The following ALKBH1 variants were observed in gnomAD, a reference collection of about 807,000 sequenced individuals.
ALKBH1 encodes the protein nucleic acid dioxygenase ALKBH1.
A neutral mutation model predicts 36.6 loss-of-function variants in ALKBH1; 31 were observed. That is an observed-to-expected ratio of 0.85 (90% CI 0.64 to 1.14). The LOEUF (loss-of-function observed/expected upper bound fraction) is 1.14, where lower values mean the gene tolerates loss of function less well. ALKBH1 is among the 50% of genes most tolerant of loss of function. The pLI, the probability that ALKBH1 is intolerant of heterozygous loss-of-function variation, is 0.00. For synonymous variants in ALKBH1, 183 were observed against 186.6 expected (o/e 0.98, Z 0.16); for missense variants, 490 against 497.3 (o/e 0.99, Z 0.14).
In ALKBH1 at chr14:77,679,949, C is replaced by T. The variant is rs1487746453; in HGVS notation, c.477G>A (p.Arg159=). Residue 159 remains arginine, a synonymous_variant, in exon 4 of 6, where the codon CGG becomes CGA. Transcript: ENST00000216489. ...EFLRYKEATK[R]RPRSLLEKLR... is the part of the protein sequence containing the mutation. The stretch of plus-strand genomic sequence containing the variant: ...GTTTCTCCAGTAAACTTCGGGGTCT[C>T]CGTTTAGTCGCTTCTTTATACCTGC... 2 of 1,614,072 alleles carry T rather than the reference C, an allele frequency of 1.2e-6. No homozygotes were observed. The highest frequency in any genetic ancestry group is 1.7e-6 in the Non-Finnish European group (2 of 1,179,946).
At chr14:77,682,550 G>A (rs2080243628) in intron 3 of ALKBH1, among the ~76,000 whole-genome samples, 1 of 152,142 alleles carries the variant, frequency 6.6e-6, no homozygotes, top group Non-Finnish European at 1.5e-5. Flanking sequence ...ATGATCTTAT[G>A]AATATTGAAG....
chr14:77,683,789 C>G (rs2080252264), intron 3 of ALKBH1: 1 of 190,770 alleles, frequency 5.2e-6, no homozygotes, highest in Non-Finnish European at 1.1e-5. Flanking sequence ...CCAAGCTGGT[C>G]TTGAACTGCT....
In ALKBH1 at chr14:77,678,910, G is replaced by C. The variant is rs181414577; in HGVS notation, c.546+970C>G. Reference sequence around the variant, plus strand: ...GGCTCACTGCAACCTCTGCCTCCCAGGCTCAAGCGATCCTCCCTCCCCAGC... The same window carrying C: ...GGCTCACTGCAACCTCTGCCTCCCACGCTCAAGCGATCCTCCCTCCCCAGC... On this transcript the variant is annotated intron_variant, in intron 4 of 5. Coordinates refer to ENST00000216489, the MANE Select transcript of ALKBH1 (RefSeq NM_006020.3). 7.2e-5 allele frequency among the ~76,000 whole-genome samples: 11 copies of C among 152,116 alleles called. No homozygotes were observed. The East Asian group carries it at 1.9e-3, about 27-fold the overall frequency.
At chr14:77,674,946 C>A (rs546864939) in intron 5 of ALKBH1, among the ~76,000 whole-genome samples, 1 of 152,186 alleles carries the variant, frequency 6.6e-6, no homozygotes, top group South Asian at 2.1e-4. Flanking sequence ...TAATAAAAGG[C>A]ACTTTCCCGA....
At chr14:77,692,138 G>A (rs1311594941) in intron 3 of ALKBH1, among the ~76,000 whole-genome samples, 1 of 152,176 alleles carries the variant, frequency 6.6e-6, no homozygotes, top group African/African-American at 2.4e-5. Context: ...TTGGTAAAAT[G>A]GTTTTAACAG....
At position 77,697,696 on chromosome 14, in the gene ALKBH1, A is replaced by AT. The variant is rs1330149154; in HGVS notation, c.293-2797dup. 1.2e-4 allele frequency among the ~76,000 whole-genome samples: 16 copies of AT among 129,096 alleles called. No homozygotes were observed. In the South Asian group the frequency reaches 1.7e-3, roughly 14 times the overall value. 84.7% of individuals were successfully genotyped at this position (129,096 alleles called of 152,430 possible). A position where few individuals can be genotyped will look rare whatever the true frequency, so the allele number is the denominator to read the frequency against. On this transcript the variant is annotated intron_variant, in intron 2 of 5. Transcript: ENST00000216489. ...ATTACAAATAAAATCATTTGCTGTA[A>AT]TAAAAAAAAAAAAAAAAAAAAAGAA...
chr14:77,693,764 GA>G (rs1261587707), intron 3 of ALKBH1, among the ~76,000 whole-genome samples: 1 of 152,136 alleles, frequency 6.6e-6, no homozygotes, highest in Non-Finnish European at 1.5e-5. Flanking sequence ...GAGGCAGGGG[GA>G]TCACTTGAGG....
chr14:77,684,918 G>A (rs1195188673), intron 3 of ALKBH1, among the ~76,000 whole-genome samples: 1 of 152,048 alleles, frequency 6.6e-6, no homozygotes, highest in Admixed American at 6.6e-5. Flanking sequence ...TAACAATAAT[G>A]CTGCTTTGGA....
intron 3 of ALKBH1, among the ~76,000 whole-genome samples, chr14:77,688,186 G>C (rs1423878292): frequency 1.3e-5 from 2 of 151,594 alleles, no homozygotes; most frequent in Non-Finnish European, 2.9e-5. Flanking sequence ...TGGTAACTAA[G>C]TTCTGTAGAC....
At chr14:77,693,265 C>G (rs556260734) in intron 3 of ALKBH1, among the ~76,000 whole-genome samples, 17 of 146,908 alleles carry the variant, frequency 1.2e-4, no homozygotes, top group African/African-American at 4.2e-4. Context: ...GTTGCCCAGG[C>G]TGGTAACTCC....
chr14:77,690,139 C>T (rs1039650264), intron 3 of ALKBH1, among the ~76,000 whole-genome samples: 5 of 151,934 alleles, frequency 3.3e-5, no homozygotes, highest in African/African-American at 4.8e-5. Flanking sequence ...CACTGTTGAT[C>T]TAAGGGAAGA....
chr14:77,705,919 GT>G (rs1337164617), intron 1 of ALKBH1, among the ~76,000 whole-genome samples: 1 of 152,124 alleles, frequency 6.6e-6, no homozygotes, highest in African/African-American at 2.4e-5. Context: ...GCCAGGCATG[GT>G]GGCGCGTGCC....
intron 3 of ALKBH1, among the ~76,000 whole-genome samples, chr14:77,688,243 A>AT (rs10552601): frequency 4.4e-4 from 59 of 133,112 alleles, no homozygotes; most frequent in South Asian, 1.2e-3. Context: ...ATTAAACTAA[A>AT]TTTTTTTTTT....
At chr14:77,675,970 C>T in intron 4 of ALKBH1, 121 bp from the exon 5 acceptor site, 2 of 802,968 alleles carry the variant, frequency 2.5e-6, no homozygotes, top group Non-Finnish European at 3.8e-6. Context: ...CATATTAACA[C>T]AGCATTATCT....
In ALKBH1 at chr14:77,694,044, T is replaced by C. The variant is rs116918322; in HGVS notation, c.455+694A>G. On this transcript the variant is annotated intron_variant, in intron 3 of 5. Coordinates refer to ENST00000216489, the MANE Select transcript of ALKBH1 (RefSeq NM_006020.3). Reference sequence around the variant, plus strand: ...TTTTTCTTCGTTCACACTTCTACCCTGCCTGGAATAATTATTTCCTCCTCT... The same window carrying C: ...TTTTTCTTCGTTCACACTTCTACCCCGCCTGGAATAATTATTTCCTCCTCT... 4.0e-3 allele frequency among the ~76,000 whole-genome samples: 612 copies of C among 152,318 alleles called. 4 individuals are homozygous for C. The highest frequency in any genetic ancestry group is 0.03 in the East Asian group (154 of 5,188).
At chr14:77,685,535 G>A (rs1026741410) in intron 3 of ALKBH1, among the ~76,000 whole-genome samples, 1 of 152,024 alleles carries the variant, frequency 6.6e-6, no homozygotes, top group South Asian at 2.1e-4. Flanking sequence ...CTAGCACTTC[G>A]GGAGGCCGAG....
intron 3 of ALKBH1, among the ~76,000 whole-genome samples, chr14:77,681,591 T>A (rs1436401473): frequency 3.3e-5 from 5 of 152,168 alleles, no homozygotes; most frequent in Non-Finnish European, 5.9e-5. Flanking sequence ...GAACACACAC[T>A]GATTTATTTA....
At chr14:77,699,766 T>G (rs2080348420) in intron 2 of ALKBH1, among the ~76,000 whole-genome samples, 1 of 152,038 alleles carries the variant, frequency 6.6e-6, no homozygotes, top group South Asian at 2.1e-4. Context: ...TTATAAATAT[T>G]AGGTTCTGGC....
chr14:77,675,270 T>TG (rs1555383325), intron 5 of ALKBH1, among the ~76,000 whole-genome samples: 6 of 140,906 alleles, frequency 4.3e-5, no homozygotes, highest in African/African-American at 1.0e-4. Context: ...CCATCTCTAC[T>TG]AAAAAAAAAA....
Sources: gnomAD v4.1 joint callset for allele counts (sites outside exome capture counted in the v4.1 genomes callset) on GRCh38, gnomAD v4.1.1 for gene constraint, MANE v1.5 for transcripts, NCBI Gene and HGNC (gene_info 2026-07-23, HGNC 2026-07-21) for gene names.